Variants in LRBA observed in about 807,000 individuals in gnomAD.
LRBA encodes lipopolysaccharide-responsive and beige-like anchor protein.
A neutral mutation model predicts 330.0 loss-of-function variants in LRBA; 176 were observed. The ratio of observed to expected loss-of-function variants is 0.53; its 90% CI spans 0.47 to 0.60. LRBA has a LOEUF of 0.60. Ranked by LOEUF, LRBA falls within the 20% of genes least tolerant of loss-of-function variation. The pLI, the probability that LRBA is intolerant of heterozygous loss-of-function variation, is 0.00. For missense variants in LRBA, 3,259 were observed against 3,444.8 expected, an observed-to-expected ratio of 0.95 and a Z score of 1.35; for synonymous variants, 1,230 against 1,193.0, an observed-to-expected ratio of 1.03 and a Z score of -0.64.
intron 37 of LRBA, among the ~76,000 whole-genome samples, chr4:150,635,722 G>C (rs1561451268): frequency 6.6e-6 from 1 of 152,078 alleles, no homozygotes. Flanking sequence ...TAATATAACT[G>C]AAAGTCAGGA....
intron 16 of LRBA, among the ~76,000 whole-genome samples, chr4:150,894,250 T>G (rs980427974): frequency 1.8e-4 from 27 of 152,298 alleles, no homozygotes; most frequent in Admixed American, 1.7e-3. Flanking sequence ...CTGGAATGTT[T>G]TATTCACTGT....
chr4:150,942,407 G>T (rs1313631555), intron 2 of LRBA, among the ~76,000 whole-genome samples: 2 of 152,098 alleles, frequency 1.3e-5, no homozygotes, highest in Non-Finnish European at 2.9e-5. Flanking sequence ...TTCTTTTAAA[G>T]AACTATACCT....
chr4:150,869,443 C>A (rs1753158723), intron 20 of LRBA, among the ~76,000 whole-genome samples: 1 of 152,060 alleles, frequency 6.6e-6, no homozygotes, highest in African/African-American at 2.4e-5. Flanking sequence ...AATCCCAGAA[C>A]TTTGGGAGGC....
chr4:150,695,379 G>GTGACA (rs1784531668), intron 36 of LRBA, among the ~76,000 whole-genome samples: 1 of 152,154 alleles, frequency 6.6e-6, no homozygotes, highest in African/African-American at 2.4e-5. Flanking sequence ...CTGGAGTGCA[G>GTGACA]TGACATGATC....
intron 48 of LRBA, among the ~76,000 whole-genome samples, chr4:150,327,975 G>T (rs1733506735): frequency 6.6e-6 from 1 of 152,148 alleles, no homozygotes; most frequent in African/African-American, 2.4e-5. Context: ...TGGAGGTTCT[G>T]AGAGCAGTCC....
intron 37 of LRBA, among the ~76,000 whole-genome samples, chr4:150,633,192 C>T (rs1240206458): frequency 3.9e-5 from 6 of 152,198 alleles, no homozygotes; most frequent in Non-Finnish European, 8.8e-5. Flanking sequence ...AGACATTTAA[C>T]ATCTCTGTAC....
chr4:150,675,232 T>C (rs1203322507), intron 37 of LRBA, among the ~76,000 whole-genome samples: 1 of 152,108 alleles, frequency 6.6e-6, no homozygotes, highest in East Asian at 1.9e-4. Flanking sequence ...AGTTGCATGA[T>C]AGTTATGAGT....
At chr4:150,565,523 A>C (rs905717317) in intron 40 of LRBA, among the ~76,000 whole-genome samples, 1 of 152,178 alleles carries the variant, frequency 6.6e-6, no homozygotes, top group Non-Finnish European at 1.5e-5. Flanking sequence ...AAATGTAAAA[A>C]AAATAAAATC....
At chr4:150,862,792 C>T (rs968790508) in intron 22 of LRBA, among the ~76,000 whole-genome samples, 15 of 151,576 alleles carry the variant, frequency 9.9e-5, no homozygotes, top group African/African-American at 2.4e-5. Flanking sequence ...GCCTGGGCAA[C>T]GTGGTGAAAC....
Position 150,908,852 on chromosome 4 carries a change from T to G in LRBA, c.1167A>C (p.Thr389=), listed in dbSNP as rs1731635091. ...IYQLGLGYKG[T]FKFKAESDLF... is the part of the protein sequence containing the mutation. ...GGTCGCTTTCTGCTTTGAATTTAAA[T>G]GTACCCTAAGAATTAATTAAAAACA... The change falls in exon 10 of 57, where the codon ACA becomes ACC. Residue 389 remains threonine (T), a synonymous_variant. Coordinates refer to ENST00000651943, the MANE Select transcript of LRBA (RefSeq NM_001364905.1). 1 of 1,608,870 alleles carries G rather than the reference T, an allele frequency of 6.2e-7. No individual in the cohort carries two copies. The highest frequency in any genetic ancestry group is 8.5e-7 in the Non-Finnish European group (1 of 1,176,280).
chr4:150,668,825 T>C (rs182129317), intron 37 of LRBA, among the ~76,000 whole-genome samples: 1 of 152,208 alleles, frequency 6.6e-6, no homozygotes, highest in Admixed American at 6.5e-5. Context: ...GGAAATAGAA[T>C]ATGAAAATGC....
intron 34 of LRBA, among the ~76,000 whole-genome samples, chr4:150,764,838 G>T (rs1343411883): frequency 6.6e-6 from 1 of 152,032 alleles, no homozygotes; most frequent in African/African-American, 2.4e-5. Flanking sequence ...AAATGATACA[G>T]TCTCACTGGA....
chr4:150,366,456 A>C (rs1739479715), intron 47 of LRBA, among the ~76,000 whole-genome samples: 1 of 152,240 alleles, frequency 6.6e-6, no homozygotes. Flanking sequence ...CTAAGCATTT[A>C]AATTTTTCTT....
intron 4 of LRBA, among the ~76,000 whole-genome samples, chr4:150,924,894 T>G (rs2149501262): frequency 6.6e-6 from 1 of 152,216 alleles, no homozygotes; most frequent in Non-Finnish European, 1.5e-5. Context: ...TCAAAAATAA[T>G]GTTTGGGGCT....
At chr4:150,774,363 C>A (rs887825848) in intron 34 of LRBA, among the ~76,000 whole-genome samples, 1 of 152,156 alleles carries the variant, frequency 6.6e-6, no homozygotes, top group African/African-American at 2.4e-5. Flanking sequence ...ACCACCCAGC[C>A]GAGACCAGGA....
intron 40 of LRBA, among the ~76,000 whole-genome samples, chr4:150,560,076 A>C (rs1768117918): frequency 6.8e-6 from 1 of 147,758 alleles, no homozygotes; most frequent in African/African-American, 2.5e-5. Context: ...TTACTATTAT[A>C]GTTATATAAA....
intron 2 of LRBA, among the ~76,000 whole-genome samples, chr4:151,008,597 A>C (rs1744403605): frequency 6.6e-6 from 1 of 152,028 alleles, no homozygotes; most frequent in Admixed American, 6.6e-5. Flanking sequence ...TGGTTGAAAA[A>C]AAAAATCACC....
intron 37 of LRBA, among the ~76,000 whole-genome samples, chr4:150,633,983 CG>C (rs2126680962): frequency 6.6e-6 from 1 of 152,170 alleles, no homozygotes; most frequent in African/African-American, 2.4e-5. Flanking sequence ...GGCGTGGTGG[CG>C]GGTGCCTGTA....
chr4:150,327,821 A>G (rs1432889264), intron 48 of LRBA, among the ~76,000 whole-genome samples: 1 of 152,208 alleles, frequency 6.6e-6, no homozygotes, highest in Non-Finnish European at 1.5e-5. Context: ...CCCACTTAAC[A>G]CAGCTAAAAT....
Sources: allele counts gnomAD v4.1 joint callset (sites outside exome capture counted in the v4.1 genomes callset), GRCh38; gene constraint gnomAD v4.1.1; transcripts MANE v1.5; gene names NCBI Gene and HGNC (gene_info 2026-07-23, HGNC 2026-07-21).